The following GPATCH2 variants were observed in gnomAD, a reference collection of about 807,000 sequenced individuals.
GPATCH2 encodes the protein G patch domain-containing protein 2.
Under a neutral mutation model 58.0 loss-of-function variants are expected in GPATCH2, and 51 were observed. The ratio of observed to expected loss-of-function variants is 0.88; its 90% CI spans 0.70 to 1.11. The LOEUF (loss-of-function observed/expected upper bound fraction) is 1.11. Ranked by LOEUF, GPATCH2 falls within the 50% of genes most tolerant of loss-of-function variation. The pLI, the probability that GPATCH2 is intolerant of heterozygous loss-of-function variation, is 0.00. For missense variants in GPATCH2, 625 were observed against 652.2 expected, an observed-to-expected ratio of 0.96 and a Z score of 0.45; for synonymous variants, 222 against 218.5, an observed-to-expected ratio of 1.02 and a Z score of -0.14.
intron 6 of GPATCH2, among the ~76,000 whole-genome samples, chr1:217,512,939 G>A (rs1248785012): frequency 2.0e-5 from 3 of 152,164 alleles, no homozygotes; most frequent in Admixed American, 6.5e-5. Context: ...GGATATATGC[G>A]TTGTGGCATG....
At chr1:217,496,392 T>G (rs547094484) in intron 7 of GPATCH2, among the ~76,000 whole-genome samples, 1 of 152,184 alleles carries the variant, frequency 6.6e-6, no homozygotes, top group South Asian at 2.1e-4. Context: ...CAAGCTCTCA[T>G]AGTATAAACA....
intron 5 of GPATCH2, among the ~76,000 whole-genome samples, chr1:217,533,069 ATT>A (rs924720139): frequency 7.1e-5 from 10 of 140,748 alleles, no homozygotes; most frequent in Admixed American, 2.1e-4. Flanking sequence ...CACCTGGCTA[ATT>A]TTTTTTTTTT....
At chr1:217,592,917 G>C (rs1301894797) in intron 5 of GPATCH2, among the ~76,000 whole-genome samples, 1 of 151,856 alleles carries the variant, frequency 6.6e-6, no homozygotes, top group Non-Finnish European at 1.5e-5. Context: ...ACAACCCCAA[G>C]TATTTCAGCC....
intron 8 of GPATCH2, among the ~76,000 whole-genome samples, chr1:217,459,954 T>C (rs1179127234): frequency 6.6e-6 from 1 of 152,164 alleles, no homozygotes; most frequent in East Asian, 1.9e-4. Context: ...AGTTTTTTTC[T>C]TTCATCAGCA....
intron 5 of GPATCH2, chr1:217,608,836 A>G (rs868863139): frequency 2.0e-6 from 2 of 985,164 alleles, no homozygotes; most frequent in Non-Finnish European, 1.2e-6. Flanking sequence ...GTACCTTTAA[A>G]TATGCAAAGG....
chr1:217,509,473 G>A (rs1214547167), intron 6 of GPATCH2, among the ~76,000 whole-genome samples: 1 of 152,118 alleles, frequency 6.6e-6, no homozygotes, highest in African/African-American at 2.4e-5. Flanking sequence ...ACCAATTTTA[G>A]TGTTTATTTC....
intron 5 of GPATCH2, among the ~76,000 whole-genome samples, chr1:217,604,608 G>C (rs1668270739): frequency 1.3e-5 from 2 of 152,100 alleles, no homozygotes; most frequent in Admixed American, 1.3e-4. Flanking sequence ...AATCAGTCAT[G>C]GTCAAATTAC....
chr1:217,619,324 A>C (rs541719034), intron 2 of GPATCH2, among the ~76,000 whole-genome samples: 3 of 152,310 alleles, frequency 2.0e-5, no homozygotes, highest in South Asian at 4.1e-4. Context: ...ATTCCTAGAA[A>C]GCTCCAGATT....
chr1:217,495,956 AG>A (rs1048463815), intron 7 of GPATCH2, among the ~76,000 whole-genome samples: 39 of 152,188 alleles, frequency 2.6e-4, no homozygotes, highest in Middle Eastern at 6.3e-3. Context: ...TTTTAAAAGT[AG>A]GGTTAATATT....
At chr1:217,474,813 T>G (rs961036307) in intron 8 of GPATCH2, among the ~76,000 whole-genome samples, 1 of 152,178 alleles carries the variant, frequency 6.6e-6, no homozygotes, top group Non-Finnish European at 1.5e-5. Context: ...TCTCTCACCT[T>G]TATGTTTTTC....
intron 8 of GPATCH2, among the ~76,000 whole-genome samples, chr1:217,458,017 G>A (rs764871873): frequency 1.9e-4 from 29 of 152,258 alleles, no homozygotes; most frequent in Non-Finnish European, 3.8e-4. Context: ...CACGAAGTCA[G>A]GAGATAGAGA....
intron 3 of GPATCH2, among the ~76,000 whole-genome samples, chr1:217,613,060 A>G (rs1299095032): frequency 6.6e-6 from 1 of 152,024 alleles, no homozygotes; most frequent in Admixed American, 6.6e-5. Context: ...TTCATAACCA[A>G]TATCAGCATT....
At chr1:217,499,081 A>G (rs1662162722) in intron 6 of GPATCH2, among the ~76,000 whole-genome samples, 1 of 152,162 alleles carries the variant, frequency 6.6e-6, no homozygotes, top group Non-Finnish European at 1.5e-5. Flanking sequence ...GGGAGTTGTT[A>G]GCATTAGCTA....
At chr1:217,511,697 A>G (rs1662857761) in intron 6 of GPATCH2, among the ~76,000 whole-genome samples, 1 of 152,130 alleles carries the variant, frequency 6.6e-6, no homozygotes, top group African/African-American at 2.4e-5. Context: ...AATTTCAGAT[A>G]TTGGGTTTTT....
intron 5 of GPATCH2, among the ~76,000 whole-genome samples, chr1:217,525,626 C>G (rs1663865248): frequency 6.6e-6 from 1 of 152,060 alleles, no homozygotes; most frequent in South Asian, 2.1e-4. Flanking sequence ...AAAGATAAGA[C>G]TTAAAAGAGA....
chr1:217,553,883 C>T (rs1280573724), intron 5 of GPATCH2, among the ~76,000 whole-genome samples: 1 of 152,150 alleles, frequency 6.6e-6, no homozygotes, highest in African/African-American at 2.4e-5. Context: ...CATTGAACAA[C>T]CAAGAGAGAA....
chr1:217,561,672 TG>T (rs879411956), intron 5 of GPATCH2, among the ~76,000 whole-genome samples: 1 of 152,146 alleles, frequency 6.6e-6, no homozygotes, highest in Non-Finnish European at 1.5e-5. Context: ...GAGATAAATG[TG>T]GTTATCTAGA....
At chr1:217,580,271 C>T (rs990570886) in intron 5 of GPATCH2, among the ~76,000 whole-genome samples, 2 of 152,054 alleles carry the variant, frequency 1.3e-5, no homozygotes, top group African/African-American at 2.4e-5. Context: ...CCTCACTCCC[C>T]GACCTTCCAT....
At chr1:217,595,673 T>G (rs1667789975) in intron 5 of GPATCH2, among the ~76,000 whole-genome samples, 1 of 152,078 alleles carries the variant, frequency 6.6e-6, no homozygotes, top group African/African-American at 2.4e-5. Flanking sequence ...CTAATTTTTG[T>G]ATTTTTAGTA....
Sources: gnomAD v4.1 joint callset for allele counts (sites outside exome capture counted in the v4.1 genomes callset) on GRCh38, gnomAD v4.1.1 for gene constraint, MANE v1.5 for transcripts, NCBI Gene and HGNC (gene_info 2026-07-23, HGNC 2026-07-21) for gene names.